Variants in STIM1 observed in about 807,000 individuals in gnomAD.
STIM1 encodes the protein stromal interaction molecule 1.
In STIM1, 25 loss-of-function variants were observed where a neutral mutation model predicts 74.7. The observed-to-expected ratio is 0.33, with a 90% CI of 0.24 to 0.47. The LOEUF (loss-of-function observed/expected upper bound fraction) is 0.47. Ranked by LOEUF, STIM1 falls within the 20% of genes least tolerant of loss-of-function variation. STIM1 has a pLI of 1.00. For missense variants in STIM1, 728 were observed against 920.8 expected (o/e 0.79, Z 2.71); for synonymous variants, 328 against 348.8 (o/e 0.94, Z 0.66).
chr11:3,992,918 TAA>T (rs1243579615), intron 2 of STIM1, among the ~76,000 whole-genome samples: 1 of 152,240 alleles, frequency 6.6e-6, no homozygotes. Context: ...CATCTATTGG[TAA>T]ATCCTGTGGG....
chr11:4,063,041 A>G (rs1032086748), intron 5 of STIM1, among the ~76,000 whole-genome samples: 2 of 152,234 alleles, frequency 1.3e-5, no homozygotes, highest in African/African-American at 4.8e-5. Context: ...GAGTTCACTT[A>G]TATAAAATGC....
At chr11:3,932,078 G>A (rs892000520) in intron 1 of STIM1, among the ~76,000 whole-genome samples, 2 of 152,156 alleles carry the variant, frequency 1.3e-5, no homozygotes, top group Non-Finnish European at 2.9e-5. Flanking sequence ...GCTGCGACTG[G>A]ACTGTATGTA....
At chr11:4,086,693 T>C (rs1565172319) in intron 12 of STIM1, 150 bp downstream of exon 12, 1 of 1,539,636 alleles carries the variant, frequency 6.5e-7, no homozygotes, top group Admixed American at 2.0e-5. Context: ...TCCTCTTCCA[T>C]CACCACCATC....
rs757560242 is a variant in STIM1 at position 4,090,087 on chromosome 11, C to T, written c.1635-1195C>T. 5.9e-5 allele frequency among the ~76,000 whole-genome samples: 9 copies of T among 152,170 alleles called. 1 individual carries two copies. Among genetic ancestry groups the T allele is most frequent in the Non-Finnish European group, 1.2e-4 (8 of 68,036 alleles). The stretch of plus-strand genomic sequence containing the variant: ...ATGTCCAGTGTGCGGTGGCATGTCT[C>T]CATAACTCAGCCTTGCAAAGAAGCC... On this transcript the variant is annotated intron_variant, in intron 12 of 12. Coordinates refer to ENST00000526596, the MANE Select transcript of STIM1 (RefSeq NM_001382567.1).
chr11:4,091,838 C>T lies in STIM1; in HGVS notation c.*40C>T. The T allele has an allele frequency of 6.3e-7, 1 of 1,598,732 alleles. No individual in the cohort carries two copies. The highest frequency in any genetic ancestry group is 8.5e-7 in the Non-Finnish European group (1 of 1,179,512). On this transcript the variant is annotated 3_prime_UTR_variant, in exon 13 of 13. Transcript: ENST00000526596. The stretch of plus-strand genomic sequence containing the variant: ...CAGTAAAGGGACAGCTTGTCCTTCC[C>T]TGGGTGTTCTGTCTCTCCTTCCCTC...
intron 2 of STIM1, among the ~76,000 whole-genome samples, chr11:4,013,282 A>T (rs376867870): frequency 1.3e-5 from 2 of 152,290 alleles, no homozygotes; most frequent in East Asian, 1.9e-4. Flanking sequence ...TGATTGGAAT[A>T]GTTTCAGAAG....
chr11:4,026,115 G>T (rs1050816295), intron 3 of STIM1, among the ~76,000 whole-genome samples: 1 of 152,138 alleles, frequency 6.6e-6, no homozygotes, highest in Non-Finnish European at 1.5e-5. Flanking sequence ...TTCTGGCACC[G>T]GCTCAAACTA....
chr11:4,011,607 T>C (rs2093837020), intron 2 of STIM1, among the ~76,000 whole-genome samples: 1 of 152,216 alleles, frequency 6.6e-6, no homozygotes, highest in Admixed American at 6.5e-5. Flanking sequence ...TTAAGTTCTT[T>C]GTAGATTCTG....
intron 2 of STIM1, among the ~76,000 whole-genome samples, chr11:3,984,791 G>T (rs1347515448): frequency 6.6e-6 from 1 of 152,194 alleles, no homozygotes; most frequent in East Asian, 1.9e-4. Context: ...CATCTATAAA[G>T]TAATGATGAC....
chr11:3,980,850 A>G (rs73429606), intron 2 of STIM1, among the ~76,000 whole-genome samples: 2,141 of 152,250 alleles, frequency 0.014, 52 homozygotes, highest in African/African-American at 0.049. Context: ...TAGCCTCTAC[A>G]TACTGGATGC....
intron 4 of STIM1, among the ~76,000 whole-genome samples, chr11:4,057,618 C>G (rs911585555): frequency 6.6e-5 from 10 of 152,144 alleles, no homozygotes; most frequent in Non-Finnish European, 1.5e-5. Flanking sequence ...CACCTGTAAT[C>G]CCAGCACTTT....
chr11:3,914,730 G>A (rs1448541455), intron 1 of STIM1, among the ~76,000 whole-genome samples: 1 of 152,140 alleles, frequency 6.6e-6, no homozygotes, highest in Non-Finnish European at 1.5e-5. Context: ...GTGAGCTACC[G>A]CCCCTGGCCT....
rs570548449 is a variant in STIM1, at chr11:4,086,155, G to T, written c.1568-322G>T. ...AAAGGCTGGTTCTTAGTGCTCTCCC[G>T]GACCTTATCCCAAGCCCCTATCCTA... On this transcript the variant is annotated intron_variant, in intron 11 of 12. Transcript: ENST00000526596. 7 of 400,918 alleles carry T rather than the reference G, an allele frequency of 1.7e-5. No individual in the cohort carries two copies. In the Admixed American group the frequency reaches 2.1e-4, roughly 12 times the overall value. 24.8% of individuals were successfully genotyped at this position (400,918 alleles called of 1,614,324 possible). A position where few individuals can be genotyped will look rare whatever the true frequency, so the allele number is the denominator to read the frequency against.
intron 5 of STIM1, among the ~76,000 whole-genome samples, chr11:4,065,487 A>G (rs78887726): frequency 7.2e-6 from 1 of 139,310 alleles, no homozygotes; most frequent in Non-Finnish European, 1.5e-5. Context: ...TTTTTTTTTG[A>G]TAACAATATG....
chr11:4,015,690 G>A (rs961960915), intron 2 of STIM1, among the ~76,000 whole-genome samples: 3 of 152,168 alleles, frequency 2.0e-5, no homozygotes, highest in East Asian at 1.9e-4. Context: ...CCAATCAGAC[G>A]TAGATTTGGT....
At chr11:3,868,627 C>G (rs1188657031) in intron 1 of STIM1, among the ~76,000 whole-genome samples, 1 of 152,142 alleles carries the variant, frequency 6.6e-6, no homozygotes, top group Non-Finnish European at 1.5e-5. Flanking sequence ...CCCAAGTGGC[C>G]TGGGAAACTA....
intron 2 of STIM1, among the ~76,000 whole-genome samples, chr11:3,992,946 A>T (rs180987747): frequency 1.3e-5 from 2 of 152,294 alleles, no homozygotes; most frequent in African/African-American, 4.8e-5. Context: ...CTTTTAAAAC[A>T]TATCCAAAAT....
chr11:4,074,736 C>G (rs2094427525), intron 7 of STIM1, 57 bp downstream of exon 7: 2 of 1,533,734 alleles, frequency 1.3e-6, no homozygotes, highest in Non-Finnish European at 1.8e-6. Context: ...GGCAGGGGCC[C>G]AGGGTCTGGC....
At chr11:4,021,187 G>C (rs1426218010) in intron 2 of STIM1, among the ~76,000 whole-genome samples, 1 of 152,110 alleles carries the variant, frequency 6.6e-6, no homozygotes, top group African/African-American at 2.4e-5. Context: ...GTGCAGTGAC[G>C]TGATATTAGC....
Sources: allele counts gnomAD v4.1 joint callset (sites outside exome capture counted in the v4.1 genomes callset), GRCh38; gene constraint gnomAD v4.1.1; transcripts MANE v1.5; gene names NCBI Gene and HGNC (gene_info 2026-07-23, HGNC 2026-07-21).